Variants in MAN1A2 observed in about 807,000 individuals in gnomAD.
MAN1A2 encodes the protein mannosidase alpha class 1A member 2, also known as mannosyl-oligosaccharide 1,2-alpha-mannosidase IB.
MAN1A2 carries 26 observed loss-of-function variants against 75.7 expected under a neutral mutation model. The observed-to-expected ratio is 0.34, with a 90% confidence interval of 0.25 to 0.48. The LOEUF (loss-of-function observed/expected upper bound fraction) is 0.48. Ranked by LOEUF, MAN1A2 falls within the 20% of genes least tolerant of loss-of-function variation. The pLI is 0.99. For missense variants in MAN1A2, 562 were observed against 775.5 expected (o/e 0.72, Z 3.27); for synonymous variants, 247 against 264.6 (o/e 0.93, Z 0.65).
At position 117,496,798 on chromosome 1, in the gene MAN1A2, A is replaced by C. The variant is rs1373897026; in HGVS notation, c.1320A>C (p.Gly440=). 1.2e-6 allele frequency: 2 copies of C among 1,612,150 alleles called. No homozygotes were observed. The highest frequency in any genetic ancestry group is 2.7e-5 in the African/African-American group (2 of 74,792). Residue 440 remains glycine, a synonymous_variant, in exon 10 of 13, where the codon GGA becomes GGC. Transcript: ENST00000356554. ...AACATCTTATTAAGAAGTCTCGTGG[A>C]GGTCTTACCTTTATTGGAGAATGGA... is the stretch of plus-strand genomic sequence containing the variant. ...IEKHLIKKSR[G]GLTFIGEWKN...
chr1:117,439,833 A>G (rs1336944040), intron 5 of MAN1A2, among the ~76,000 whole-genome samples: 1 of 152,132 alleles, frequency 6.6e-6, no homozygotes, highest in Admixed American at 6.5e-5. Context: ...CTTTGTGTTA[A>G]CAAGATATCA....
intron 6 of MAN1A2, among the ~76,000 whole-genome samples, chr1:117,456,355 G>A (rs909052899): frequency 2.6e-5 from 4 of 152,116 alleles, no homozygotes; most frequent in East Asian, 3.9e-4. Flanking sequence ...TGACCATATA[G>A]TGTGTTGTTC....
intron 1 of MAN1A2, among the ~76,000 whole-genome samples, chr1:117,372,468 T>G (rs551387797): frequency 1.1e-3 from 169 of 152,348 alleles, no homozygotes; most frequent in Non-Finnish European, 2.5e-4. Flanking sequence ...AATAGTGGTA[T>G]TACATGAATT....
At chr1:117,444,870 T>C (rs1649166948) in intron 6 of MAN1A2, among the ~76,000 whole-genome samples, 1 of 152,130 alleles carries the variant, frequency 6.6e-6, no homozygotes, top group South Asian at 2.1e-4. Flanking sequence ...TAGTTTACAG[T>C]CTTGGTTAAA....
At chr1:117,507,356 A>T (rs1651405554) in intron 12 of MAN1A2, among the ~76,000 whole-genome samples, 1 of 151,684 alleles carries the variant, frequency 6.6e-6, no homozygotes, top group Admixed American at 6.6e-5. Context: ...TTGATTCATG[A>T]GAGAAAATTA....
intron 1 of MAN1A2, among the ~76,000 whole-genome samples, chr1:117,381,429 T>C (rs1383508740): frequency 6.6e-6 from 1 of 152,116 alleles, no homozygotes; most frequent in Non-Finnish European, 1.5e-5. Context: ...AGTGAGAACA[T>C]GCGGTGTTTG....
At chr1:117,391,615 A>T (rs1379808894) in intron 1 of MAN1A2, among the ~76,000 whole-genome samples, 1 of 152,162 alleles carries the variant, frequency 6.6e-6, no homozygotes, top group Non-Finnish European at 1.5e-5. Flanking sequence ...TACTTTACAC[A>T]CTGTAAAATT....
At chr1:117,400,276 C>A (rs913086497) in intron 1 of MAN1A2, among the ~76,000 whole-genome samples, 1 of 151,836 alleles carries the variant, frequency 6.6e-6, no homozygotes, top group Admixed American at 6.6e-5. Flanking sequence ...CTCCCTCTCC[C>A]TTTCTCTCTC....
chr1:117,454,096 GC>G (rs145101069), intron 6 of MAN1A2, among the ~76,000 whole-genome samples: 5,157 of 152,274 alleles, frequency 0.034, 154 homozygotes, highest in African/African-American at 0.073. Context: ...CATTTAAAAG[GC>G]TACAGTATAA....
intron 9 of MAN1A2, chr1:117,494,901 A>G (rs531677355): frequency 1.5e-3 from 223 of 152,068 alleles, no homozygotes; most frequent in African/African-American, 5.1e-3. Flanking sequence ...TACTTGAAAC[A>G]TAATAAGTAT....
At chr1:117,381,176 A>G (rs1653321675) in intron 1 of MAN1A2, among the ~76,000 whole-genome samples, 1 of 152,056 alleles carries the variant, frequency 6.6e-6, no homozygotes, top group Non-Finnish European at 1.5e-5. Flanking sequence ...TCTGGTGTGT[A>G]GAAGCGCAAC....
chr1:117,396,908 CTG>C (rs1653920174), intron 1 of MAN1A2, among the ~76,000 whole-genome samples: 1 of 149,744 alleles, frequency 6.7e-6, no homozygotes, highest in Admixed American at 6.7e-5. Context: ...TTTCCTATCT[CTG>C]TTAATGAAGG....
rs1290973516 is a variant in MAN1A2, at chr1:117,523,903, T to C, written c.*946T>C. 6.6e-6 allele frequency: 1 copy of C among 152,140 alleles called. No homozygotes were observed. The highest frequency in any genetic ancestry group is 2.4e-5 in the African/African-American group (1 of 41,408). The allele number at this position is 152,140 out of a possible 1,614,324, so 9.4% of individuals were successfully genotyped here. A position where few individuals can be genotyped will look rare whatever the true frequency, so the allele number is the denominator to read the frequency against. ...ATAAAGTTAGTAGAGTCACTCAACT[T>C]ACAACTTTATTTATGTGGCTTGGCA... On this transcript the variant is annotated 3_prime_UTR_variant, in exon 13 of 13. Coordinates refer to ENST00000356554, the MANE Select transcript of MAN1A2 (RefSeq NM_006699.5).
chr1:117,518,288 A>C (rs2101032837), intron 12 of MAN1A2, among the ~76,000 whole-genome samples: 1 of 152,154 alleles, frequency 6.6e-6, no homozygotes. Context: ...AGAAAAGATA[A>C]AACTATTTTT....
chr1:117,507,459 C>T (rs1315945708), intron 12 of MAN1A2, among the ~76,000 whole-genome samples: 1 of 151,424 alleles, frequency 6.6e-6, no homozygotes, highest in Non-Finnish European at 1.5e-5. Flanking sequence ...AACATATGCT[C>T]CATGAAAACT....
intron 1 of MAN1A2, among the ~76,000 whole-genome samples, chr1:117,389,985 T>C (rs1653665300): frequency 6.6e-6 from 1 of 152,194 alleles, no homozygotes; most frequent in South Asian, 2.1e-4. Flanking sequence ...TTTAAGTCTT[T>C]TAATGTAGCA....
intron 5 of MAN1A2, among the ~76,000 whole-genome samples, chr1:117,432,674 A>T (rs1238954143): frequency 1.3e-5 from 2 of 152,148 alleles, no homozygotes; most frequent in African/African-American, 4.8e-5. Flanking sequence ...GGTGAATTAT[A>T]TCAAATAAGA....
At chr1:117,384,628 T>G (rs1051936311) in intron 1 of MAN1A2, among the ~76,000 whole-genome samples, 8 of 152,192 alleles carry the variant, frequency 5.3e-5, no homozygotes, top group Non-Finnish European at 1.0e-4. Flanking sequence ...TCCTTATTGA[T>G]CTTTCTAGAT....
intron 3 of MAN1A2, among the ~76,000 whole-genome samples, chr1:117,413,627 T>G (rs1329373763): frequency 1.3e-5 from 2 of 151,940 alleles, no homozygotes; most frequent in East Asian, 3.9e-4. Flanking sequence ...GATGGGTCTT[T>G]AAAGAAGTTC....
Sources: gnomAD v4.1 joint callset for allele counts (sites outside exome capture counted in the v4.1 genomes callset) on GRCh38, gnomAD v4.1.1 for gene constraint, MANE v1.5 for transcripts, NCBI Gene and HGNC (gene_info 2026-07-23, HGNC 2026-07-21) for gene names.